The following SLC67A1 variants were observed in gnomAD, a reference collection of about 807,000 sequenced individuals.
The protein encoded by SLC67A1 is solute carrier family 67 member 1.
the SLC67A1 span, chr11:2,915,042 G>A: frequency 3.0e-6 from 3 of 985,434 alleles, no homozygotes; most frequent in Non-Finnish European, 3.6e-6. Flanking sequence ...GGTGGGTGCT[G>A]CAGGAGTCGG....
chr11:2,922,472 G>T, the SLC67A1 span: 1 of 1,612,422 alleles, frequency 6.2e-7, no homozygotes, highest in Non-Finnish European at 8.5e-7. Flanking sequence ...CTGCCTCCTG[G>T]TGCCCGGCCT....
the SLC67A1 span, among the ~76,000 whole-genome samples, chr11:2,910,879 A>G: frequency 6.6e-6 from 1 of 152,170 alleles, no homozygotes; most frequent in Non-Finnish European, 1.5e-5. Flanking sequence ...GGTGCCTGTC[A>G]GGCACTCCAG....
the SLC67A1 span, chr11:2,922,596 G>A: frequency 1.3e-6 from 2 of 1,567,232 alleles, no homozygotes; most frequent in Non-Finnish European, 1.7e-6. Context: ...CCTCCAGGAA[G>A]CCCTAGGAGC....
the SLC67A1 span, chr11:2,902,645 C>A: frequency 1.0e-6 from 1 of 985,510 alleles, no homozygotes; most frequent in South Asian, 4.7e-5. Context: ...TCCTCTGCAG[C>A]CGCAAAATCC....
chr11:2,914,092 G>T, the SLC67A1 span, among the ~76,000 whole-genome samples: 1 of 152,220 alleles, frequency 6.6e-6, no homozygotes, highest in Non-Finnish European at 1.5e-5. Context: ...CAGGTAAGCG[G>T]CAGAGAAGGG....
At chr11:2,919,275 G>C in the SLC67A1 span, 1 of 1,516,492 alleles carries the variant, frequency 6.6e-7, no homozygotes, top group South Asian at 1.1e-5. Context: ...GGGTGTGGGG[G>C]TACTCACCCC....
At chr11:2,918,221 C>A in the SLC67A1 span, 3 of 703,718 alleles carry the variant, frequency 4.3e-6, no homozygotes, top group Non-Finnish European at 7.2e-6. Context: ...CAGGCAGGAG[C>A]GGGAGGAAGG....
the SLC67A1 span, chr11:2,899,723 C>CA: frequency 1.9e-3 from 2,765 of 1,434,492 alleles, 7 homozygotes; most frequent in Admixed American, 1.9e-3. Flanking sequence ...CTGTTCATGA[C>CA]AAAAAAAAAG....
At chr11:2,922,588 T>C in the SLC67A1 span, 936 of 1,538,066 alleles carry the variant, frequency 6.1e-4, 12 homozygotes, top group South Asian at 9.8e-3. Flanking sequence ...AGCAGCCTCC[T>C]CCAGGAAGCC....
chr11:2,923,017 G>A, the SLC67A1 span, among the ~76,000 whole-genome samples: 1 of 152,210 alleles, frequency 6.6e-6, no homozygotes, highest in African/African-American at 2.4e-5. The surrounding 1 kb of genome is among the most constrained non-coding windows in gnomAD (Gnocchi z 6.5). Context: ...CACTGCAGGG[G>A]ACACAGGTCC....
chr11:2,923,590 G>A, the SLC67A1 span, among the ~76,000 whole-genome samples: 1 of 152,274 alleles, frequency 6.6e-6, no homozygotes, highest in East Asian at 1.9e-4. The surrounding 1 kb of genome is among the most constrained non-coding windows in gnomAD (Gnocchi z 6.5). Flanking sequence ...GAACCTCCAA[G>A]GCCTTCGGGG....
chr11:2,921,865 C>G, the SLC67A1 span: 3 of 561,562 alleles, frequency 5.3e-6, no homozygotes, highest in Non-Finnish European at 9.6e-6. Flanking sequence ...TTTCCTTCCT[C>G]CCTTGTGGAG....
At chr11:2,919,499 T>C in the SLC67A1 span, 139 of 933,016 alleles carry the variant, frequency 1.5e-4, no homozygotes, top group African/African-American at 1.8e-3. Context: ...CGGCGGAGGC[T>C]GGGGAGCCCT....
At chr11:2,915,568 C>T in the SLC67A1 span, among the ~76,000 whole-genome samples, 1 of 152,078 alleles carries the variant, frequency 6.6e-6, no homozygotes, top group African/African-American at 2.4e-5. Context: ...AGGGTCCAAC[C>T]CTGGACCACC....
the SLC67A1 span, chr11:2,903,486 G>A: frequency 1.9e-6 from 3 of 1,613,168 alleles, no homozygotes; most frequent in South Asian, 1.1e-5. Flanking sequence ...TCTCCATCGT[G>A]CCAGTGAGTA....
At chr11:2,905,311 T>A in the SLC67A1 span, among the ~76,000 whole-genome samples, 5 of 152,062 alleles carry the variant, frequency 3.3e-5, no homozygotes, top group Non-Finnish European at 5.9e-5. Context: ...CAGCAGACCA[T>A]CGTGGAGGAG....
the SLC67A1 span, chr11:2,922,001 A>G: frequency 2.3e-6 from 2 of 867,982 alleles, no homozygotes; most frequent in Non-Finnish European, 3.9e-6. Flanking sequence ...TGGCCACCAC[A>G]GGCCAGTCTG....
the SLC67A1 span, among the ~76,000 whole-genome samples, chr11:2,923,198 G>A: frequency 6.6e-6 from 1 of 152,208 alleles, no homozygotes; most frequent in African/African-American, 2.4e-5. The surrounding 1 kb of genome is among the most constrained non-coding windows in gnomAD (Gnocchi z 6.5). Flanking sequence ...GCTCCTGTGG[G>A]CTGGTTGAGG....
At chr11:2,922,607 T>C in the SLC67A1 span, 1 of 1,382,394 alleles carries the variant, frequency 7.2e-7, no homozygotes, top group Non-Finnish European at 9.6e-7. Context: ...CCCTAGGAGC[T>C]ACCCGGTGGG....
Sources: allele counts gnomAD v4.1 joint callset (sites outside exome capture counted in the v4.1 genomes callset), GRCh38; gene constraint gnomAD v4.1.1; non-coding constraint Gnocchi (gnomAD v3.1); transcripts MANE v1.5; gene names NCBI Gene and HGNC (gene_info 2026-07-23, HGNC 2026-07-21).